The following ZNF326 variants were observed in gnomAD, a reference collection of about 807,000 sequenced individuals.
ZNF326 encodes DBIRD complex subunit ZNF326.
In ZNF326, 30 loss-of-function variants were observed where a neutral mutation model predicts 63.1. That is an observed-to-expected ratio of 0.48 (90% confidence interval 0.36 to 0.64). The LOEUF (loss-of-function observed/expected upper bound fraction) is 0.64. ZNF326 is among the 30% of genes least tolerant of loss of function. The pLI, the probability that ZNF326 is intolerant of heterozygous loss-of-function variation, is 0.00. For missense variants in ZNF326, 609 were observed against 720.3 expected, an observed-to-expected ratio of 0.85 and a Z score of 1.77; for synonymous variants, 194 against 228.2, an observed-to-expected ratio of 0.85 and a Z score of 1.35.
At position 90,032,786 on chromosome 1, in the gene ZNF326, C is replaced by G. The variant is rs1650329964; in HGVS notation, c.*5085C>G. 1 of 152,222 alleles carries G rather than the reference C, an allele frequency of 6.6e-6. No individual in the cohort carries two copies. Among genetic ancestry groups the G allele is most frequent in the African/African-American group, 2.4e-5 (1 of 41,438 alleles). 9.4% of individuals were successfully genotyped at this position (152,222 alleles called of 1,614,324 possible). ...AGAGCTGCTGGTCCACAGAATTCCT[C>G]TAAGCTAAAGCTGTAACACAATTTG... On this transcript the variant is annotated 3_prime_UTR_variant, in exon 12 of 12. Coordinates refer to ENST00000340281, the MANE Select transcript of ZNF326 (RefSeq NM_182976.4).
chr1:90,020,700 G>C, intron 9 of ZNF326, 92 bp from the exon 10 acceptor site: 1 of 1,253,306 alleles, frequency 8.0e-7, no homozygotes, highest in African/African-American at 1.5e-5. Context: ...GGAAGAAGGG[G>C]TATAAATAAT....
rs1650353301 is a variant in ZNF326, at chr1:90,033,370, AG to A, written c.*5670del. 6.6e-6 allele frequency: 1 copy of A among 152,184 alleles called. No homozygotes were observed. Among genetic ancestry groups the A allele is most frequent in the Non-Finnish European group, 1.5e-5 (1 of 68,032 alleles). 9.4% of individuals were successfully genotyped at this position (152,184 alleles called of 1,614,324 possible). A position where few individuals can be genotyped will look rare whatever the true frequency, so the allele number is the denominator to read the frequency against. On this transcript the variant is annotated 3_prime_UTR_variant, in exon 12 of 12. Coordinates refer to ENST00000340281, the MANE Select transcript of ZNF326 (RefSeq NM_182976.4). ...AAAATACACAGCAAACTTAACAAGC[AG>A]AAAGAATTCCTGGGGAAACAATTCA...
intron 4 of ZNF326, chr1:90,006,530 CTG>C (rs1441515983): frequency 3.2e-6 from 3 of 938,672 alleles, no homozygotes; most frequent in Non-Finnish European, 2.5e-6. Flanking sequence ...CTCGAGGAGA[CTG>C]TGTGCTCCCT....
chr1:90,013,016 G>C, intron 6 of ZNF326, 110 bp from the exon 7 acceptor site: 1 of 841,010 alleles, frequency 1.2e-6, no homozygotes, highest in South Asian at 3.8e-5. Flanking sequence ...TTCAATTTTA[G>C]ATTACAATCA....
At position 90,007,878 on chromosome 1, in the gene ZNF326, A is replaced by C. The variant is rs1243586301; in HGVS notation, c.615+128A>C. ...TATTTTGAAGCAAAAGCTGAGTCAT[A>C]AACATAATTTTTAGGTTGACTGTAA... is the stretch of plus-strand genomic sequence containing the variant. On this transcript the variant is annotated intron_variant, in intron 5 of 11. Coordinates refer to ENST00000340281, the MANE Select transcript of ZNF326 (RefSeq NM_182976.4). The surrounding 1 kb of genome is among the most constrained non-coding windows in gnomAD (Gnocchi z 4.9). The C allele has an allele frequency of 1.0e-6, 1 of 961,532 alleles. No individual in the cohort carries two copies. Among genetic ancestry groups the C allele is most frequent in the Admixed American group, 3.9e-5 (1 of 25,690 alleles). The allele number at this position is 961,532 out of a possible 1,614,324, so 59.6% of individuals were successfully genotyped here.
At chr1:90,022,908 A>G (rs1649843588) in intron 11 of ZNF326, among the ~76,000 whole-genome samples, 1 of 152,196 alleles carries the variant, frequency 6.6e-6, no homozygotes, top group African/African-American at 2.4e-5. Context: ...TTTTCCCTGC[A>G]TAAAAGTTGG....
intron 2 of ZNF326, among the ~76,000 whole-genome samples, chr1:90,004,393 T>C (rs183913990): frequency 6.6e-6 from 1 of 152,360 alleles, no homozygotes; most frequent in African/African-American, 2.4e-5. Flanking sequence ...AGAAAACAAG[T>C]ATAGTCTACT....
chr1:90,033,205 A>G lies in ZNF326; in HGVS notation c.*5504A>G, dbSNP rs1285089315. 8 of 152,174 alleles carry G rather than the reference A, an allele frequency of 5.3e-5. No individual in the cohort carries two copies. The highest frequency in any genetic ancestry group is 4.6e-4 in the Admixed American group (7 of 15,280). 9.4% of individuals were successfully genotyped at this position (152,174 alleles called of 1,614,324 possible). On this transcript the variant is annotated 3_prime_UTR_variant, in exon 12 of 12. Transcript: ENST00000340281. ...TTTTACATTTTTAAAGGGTTGTAGA[A>G]CACCAAAACAATATATGACAGATAC...
In ZNF326 at chr1:90,028,374, A is replaced by T; in HGVS notation, c.*673A>T. The stretch of plus-strand genomic sequence containing the variant: ...TTGAATTAAAGAAAAAAAAATTCTC[A>T]ATCATATTTTTAAAATATAAGACTA... On this transcript the variant is annotated 3_prime_UTR_variant, in exon 12 of 12. Coordinates refer to ENST00000340281, the MANE Select transcript of ZNF326 (RefSeq NM_182976.4). 6.6e-6 allele frequency: 1 copy of T among 152,114 alleles called. No homozygotes were observed. The highest frequency in any genetic ancestry group is 1.9e-4 in the East Asian group (1 of 5,200). 9.4% of individuals were successfully genotyped at this position (152,114 alleles called of 1,614,324 possible).
At chr1:90,025,924 C>G (rs987661218) in intron 11 of ZNF326, among the ~76,000 whole-genome samples, 4 of 149,136 alleles carry the variant, frequency 2.7e-5, no homozygotes, top group African/African-American at 9.9e-5. Context: ...ATCAGGTAGT[C>G]TTTTTACTGT....
At position 90,027,655 on chromosome 1, in the gene ZNF326, AG is replaced by A. The variant is rs1650085350; in HGVS notation, c.1705del (p.Glu569LysfsTer62). ...GAGGAATTAGAGGAAGAGACAGCAA[AG>A]GAAGAACCTGCTGACTTCCCTGTTG... is the stretch of plus-strand genomic sequence containing the variant. ...EVEELEEETA[K>X]EEPADFPVEQ... On this transcript the variant is annotated frameshift_variant, in exon 12 of 12. Transcript: ENST00000340281. LOFTEE classifies it high-confidence loss of function. 6.2e-7 allele frequency: 1 copy of A among 1,613,934 alleles called. No homozygotes were observed. The highest frequency in any genetic ancestry group is 8.5e-7 in the Non-Finnish European group (1 of 1,180,000).
At chr1:90,002,566 T>G (rs1352771098) in intron 2 of ZNF326, among the ~76,000 whole-genome samples, 2 of 152,228 alleles carry the variant, frequency 1.3e-5, no homozygotes, top group Non-Finnish European at 2.9e-5. Context: ...TTTTACTATA[T>G]ACTTACCAAC....
Position 90,027,849 on chromosome 1 carries a change from T to A in ZNF326, c.*148T>A. The A allele has an allele frequency of 2.8e-6, 2 of 719,184 alleles. No homozygotes were observed. The highest frequency in any genetic ancestry group is 4.4e-6 in the Non-Finnish European group (2 of 454,056). The allele number at this position is 719,184 out of a possible 1,614,324, so 44.6% of individuals were successfully genotyped here. ...TTGTTTTATATAATTTCTAAATGTT[T>A]AACATTTGTTTAATAAAATGAAGGC... On this transcript the variant is annotated 3_prime_UTR_variant, in exon 12 of 12. Coordinates refer to ENST00000340281, the MANE Select transcript of ZNF326 (RefSeq NM_182976.4).
chr1:89,995,377 CG>C (rs1648302313), intron 1 of ZNF326, 104 bp downstream of exon 1: 1 of 1,407,418 alleles, frequency 7.1e-7, no homozygotes, highest in Non-Finnish European at 9.4e-7. Flanking sequence ...CTTTGTTCTG[CG>C]GGCCCGGAGG....
Position 90,007,494 on chromosome 1 carries a change from A to ACT in ZNF326, c.362_363dup (p.Phe122LeufsTer21). On this transcript the variant is annotated frameshift_variant, in exon 5 of 12. Transcript: ENST00000340281. LOFTEE classifies it high-confidence loss of function. The surrounding 1 kb of genome is among the most constrained non-coding windows in gnomAD (Gnocchi z 4.9). ...GAGAGCTCCTACCGGAATAGCCTTG[A>ACT]CTCTTTCGGAGGTAGAAACCAGGGC... 6.2e-7 allele frequency: 1 copy of ACT among 1,613,242 alleles called. No individual in the cohort carries two copies. The highest frequency in any genetic ancestry group is 8.5e-7 in the Non-Finnish European group (1 of 1,179,750).
chr1:90,012,463 G>A (rs577630131), intron 6 of ZNF326, among the ~76,000 whole-genome samples: 299 of 152,302 alleles, frequency 2.0e-3, no homozygotes, highest in Admixed American at 4.4e-3. Flanking sequence ...GAAATGGGGA[G>A]TGACTGCTTT....
chr1:90,021,107 T>A (rs1312980506), intron 10 of ZNF326, among the ~76,000 whole-genome samples, 185 bp downstream of exon 10: 4 of 152,128 alleles, frequency 2.6e-5, no homozygotes, highest in South Asian at 4.1e-4. Flanking sequence ...TAAGACTCCC[T>A]GAGTTGTTCA....
rs569725269 is a variant in ZNF326 at position 90,034,348 on chromosome 1, G to C, written c.*6647G>C. On this transcript the variant is annotated 3_prime_UTR_variant, in exon 12 of 12. Coordinates refer to ENST00000340281, the MANE Select transcript of ZNF326 (RefSeq NM_182976.4). ...TATCAAATTATGTAAAGAAAAACTT[G>C]GTAAACAAGAAATTGTCAAATTTAT... The C allele has an allele frequency of 2.6e-5, 4 of 152,102 alleles. No homozygotes were observed. The South Asian group carries it at 8.3e-4, about 32-fold the overall frequency. 9.4% of individuals were successfully genotyped at this position (152,102 alleles called of 1,614,324 possible). A position where few individuals can be genotyped will look rare whatever the true frequency, so the allele number is the denominator to read the frequency against.
chr1:90,026,958 A>G (rs10922743), intron 11 of ZNF326, among the ~76,000 whole-genome samples: 87,278 of 151,958 alleles, frequency 0.57, 25,517 homozygotes, highest in East Asian at 0.89. Flanking sequence ...TTTGAGTTTT[A>G]AAGAGATTCT....
Sources: allele counts gnomAD v4.1 joint callset (sites outside exome capture counted in the v4.1 genomes callset), GRCh38; gene constraint gnomAD v4.1.1; non-coding constraint Gnocchi (gnomAD v3.1); transcripts MANE v1.5; gene names NCBI Gene and HGNC (gene_info 2026-07-23, HGNC 2026-07-21).